CALCRL: variants seen among roughly 807,000 people sequenced by gnomAD.
CALCRL encodes calcitonin receptor like receptor, also known as calcitonin gene-related peptide type 1 receptor.
CALCRL carries 27 observed loss-of-function variants against 60.4 expected under a neutral mutation model. That is an observed-to-expected ratio of 0.45 (90% CI 0.33 to 0.62). The LOEUF is 0.62. Among genes scored for constraint, CALCRL ranks in the 20% least tolerant of loss-of-function variants. The pLI is 0.03. For missense variants in CALCRL, 424 were observed against 540.7 expected (o/e 0.78, Z 2.14); for synonymous variants, 190 against 182.6 (o/e 1.04, Z -0.33).
intron 1 of CALCRL, among the ~76,000 whole-genome samples, chr2:187,441,250 G>T (rs1388799124): frequency 1.3e-5 from 2 of 151,812 alleles, no homozygotes; most frequent in African/African-American, 4.8e-5. Context: ...ATAACTGAAG[G>T]TTTGCTACGA....
chr2:187,373,286 A>G (rs1341392864), intron 8 of CALCRL, among the ~76,000 whole-genome samples: 2 of 152,208 alleles, frequency 1.3e-5, no homozygotes, highest in Non-Finnish European at 2.9e-5. Flanking sequence ...AGATCATTCT[A>G]TGGAATAAAT....
At chr2:187,365,338 G>T (rs910751399) in intron 8 of CALCRL, among the ~76,000 whole-genome samples, 22 of 152,036 alleles carry the variant, frequency 1.4e-4, no homozygotes, top group Non-Finnish European at 2.4e-4. Flanking sequence ...TGTTCATATG[G>T]TCTTATTTTA....
chr2:187,362,272 CT>C (rs1269018017), intron 9 of CALCRL, among the ~76,000 whole-genome samples: 1 of 151,958 alleles, frequency 6.6e-6, no homozygotes, highest in African/African-American at 2.4e-5. Context: ...AGACAAAACT[CT>C]GAATCTCCTT....
At chr2:187,413,252 A>T (rs900138307) in intron 1 of CALCRL, among the ~76,000 whole-genome samples, 2 of 152,088 alleles carry the variant, frequency 1.3e-5, no homozygotes, top group African/African-American at 4.8e-5. Flanking sequence ...GACAAAAGAC[A>T]GGGAAAAAAA....
intron 5 of CALCRL, among the ~76,000 whole-genome samples, chr2:187,381,694 T>C (rs1423161457): frequency 6.6e-6 from 1 of 152,138 alleles, no homozygotes; most frequent in Admixed American, 6.6e-5. Flanking sequence ...GACCTCTTGA[T>C]CCGCCCTCCT....
Position 187,360,582 on chromosome 2 carries a change from G to T in CALCRL, c.781+16C>A, listed in dbSNP as rs1245381010. 58 of 1,598,228 alleles carry T rather than the reference G, an allele frequency of 3.6e-5. No individual in the cohort carries two copies. Among genetic ancestry groups the T allele is most frequent in the Non-Finnish European group, 4.8e-5 (56 of 1,172,832 alleles). ...TTTAATCCACTGAATCAACAAGTAT[G>T]TATAATAACACTTACCCCAGCCAAG... On this transcript the variant is annotated intron_variant, in intron 10 of 14. Coordinates refer to ENST00000392370, the MANE Select transcript of CALCRL (RefSeq NM_005795.6).
chr2:187,394,377 A>G (rs2105808873), intron 1 of CALCRL, among the ~76,000 whole-genome samples: 1 of 152,270 alleles, frequency 6.6e-6, no homozygotes, highest in East Asian at 1.9e-4. Context: ...AAACAAGCCA[A>G]GGCAACAGAA....
chr2:187,438,335 A>G (rs1373131744), intron 1 of CALCRL, among the ~76,000 whole-genome samples: 2 of 152,160 alleles, frequency 1.3e-5, no homozygotes, highest in Non-Finnish European at 2.9e-5. Context: ...CAATACAATG[A>G]GGTAAGGTCA....
In CALCRL at chr2:187,342,533, T is replaced by C. The variant is rs188353720; in HGVS notation, c.*3651A>G. ...TATCTCAACAATAGGCCAAACCTTATTAAACTAGCAATATTTTTAATCAAG... is the reference window on the plus strand; with the variant it reads ...TATCTCAACAATAGGCCAAACCTTACTAAACTAGCAATATTTTTAATCAAG... On this transcript the variant is annotated 3_prime_UTR_variant, in exon 15 of 15. Coordinates refer to ENST00000392370, the MANE Select transcript of CALCRL (RefSeq NM_005795.6). Among the ~76,000 whole-genome samples, 4 of 151,724 alleles carry C rather than the reference T, an allele frequency of 2.6e-5. No homozygotes were observed. Among genetic ancestry groups the C allele is most frequent in the African/African-American group, 9.6e-5 (4 of 41,522 alleles).
chr2:187,367,158 T>TA (rs1046782452), intron 8 of CALCRL, among the ~76,000 whole-genome samples: 51 of 152,218 alleles, frequency 3.4e-4, no homozygotes, highest in African/African-American at 1.2e-3. Flanking sequence ...GACATTAATT[T>TA]AGAGTGTTTT....
chr2:187,394,756 T>G (rs954550903), intron 1 of CALCRL, among the ~76,000 whole-genome samples: 4 of 152,048 alleles, frequency 2.6e-5, no homozygotes, highest in Non-Finnish European at 5.9e-5. Flanking sequence ...TGTTGCATAC[T>G]TATTAGAAGA....
intron 9 of CALCRL, 108 bp from the exon 10 acceptor site, chr2:187,360,859 A>C: frequency 1.1e-6 from 1 of 936,614 alleles, no homozygotes; most frequent in Non-Finnish European, 1.5e-6. Context: ...TACACACAAA[A>C]TCCTATACAT....
chr2:187,345,626 A>G lies in CALCRL; in HGVS notation c.*558T>C, dbSNP rs1186217060. The G allele has an allele frequency of 6.6e-6, 1 of 151,928 alleles. No homozygotes were observed. Among genetic ancestry groups the G allele is most frequent in the Non-Finnish European group, 1.5e-5 (1 of 67,940 alleles). 9.4% of individuals were successfully genotyped at this position (151,928 alleles called of 1,614,324 possible). On this transcript the variant is annotated 3_prime_UTR_variant, in exon 15 of 15. Transcript: ENST00000392370. ...TAGAGAAAAGAAAGCCAGCAGGGAT[A>G]ATTCACTTCTGGTATTGTCCATTTG...
At chr2:187,422,950 A>T (rs1051170881) in intron 1 of CALCRL, among the ~76,000 whole-genome samples, 1 of 152,022 alleles carries the variant, frequency 6.6e-6, no homozygotes, top group Non-Finnish European at 1.5e-5. Context: ...GTCTACTAGA[A>T]GATATAAATA....
chr2:187,443,596 A>G (rs1459150440), intron 1 of CALCRL, among the ~76,000 whole-genome samples: 2 of 151,772 alleles, frequency 1.3e-5, no homozygotes, highest in Non-Finnish European at 3.0e-5. Flanking sequence ...GTATATTTGT[A>G]GAAAAGACAG....
At chr2:187,394,548 A>G (rs1688582772) in intron 1 of CALCRL, among the ~76,000 whole-genome samples, 1 of 152,032 alleles carries the variant, frequency 6.6e-6, no homozygotes, top group South Asian at 2.1e-4. Context: ...CTGCTTCCCA[A>G]CTAGCCAGTC....
intron 12 of CALCRL, among the ~76,000 whole-genome samples, chr2:187,355,865 CAG>C (rs1054883535): frequency 1.7e-4 from 26 of 152,050 alleles, no homozygotes; most frequent in African/African-American, 5.3e-4. Context: ...AATAGACAAA[CAG>C]AGAGCTAAAT....
Position 187,359,197 on chromosome 2 carries a change from A to G in CALCRL, c.842+15T>C. 6.3e-7 allele frequency: 1 copy of G among 1,595,836 alleles called. No homozygotes were observed. Among genetic ancestry groups the G allele is most frequent in the Middle Eastern group, 1.7e-4 (1 of 6,008 alleles). ...ACATTATTCCAGTAGAAATAATAAA[A>G]AGAGATTTTCTTACTTGTCATTGTA... On this transcript the variant is annotated intron_variant, in intron 11 of 14. Coordinates refer to ENST00000392370, the MANE Select transcript of CALCRL (RefSeq NM_005795.6).
rs553390820 is a variant in CALCRL, at chr2:187,344,581, G to C, written c.*1603C>G. 20 of 151,624 alleles carry C rather than the reference G, an allele frequency of 1.3e-4. No individual in the cohort carries two copies. The East Asian group carries it at 3.7e-3, about 28-fold the overall frequency. 9.4% of individuals were successfully genotyped at this position (151,624 alleles called of 1,614,324 possible). A position where few individuals can be genotyped will look rare whatever the true frequency, so the allele number is the denominator to read the frequency against. ...AATTTCACTTTAATTCATTAGCAAG[G>C]TTTTCTTCTATCTTTATTTAATAAA... On this transcript the variant is annotated 3_prime_UTR_variant, in exon 15 of 15. Transcript: ENST00000392370.
Sources: allele counts gnomAD v4.1 joint callset (sites outside exome capture counted in the v4.1 genomes callset), GRCh38; gene constraint gnomAD v4.1.1; transcripts MANE v1.5; gene names NCBI Gene and HGNC (gene_info 2026-07-23, HGNC 2026-07-21).